Variants in ANKRD55 observed in about 807,000 individuals in gnomAD.
ANKRD55 encodes ankyrin repeat domain 55.
A neutral mutation model predicts 60.6 loss-of-function variants in ANKRD55; 41 were observed. That is an observed-to-expected ratio of 0.68 (90% CI 0.53 to 0.88). The LOEUF is 0.88. Among genes scored for constraint, ANKRD55 ranks in the 40% least tolerant of loss-of-function variants. ANKRD55 has a pLI of 0.00. For synonymous variants in ANKRD55, 264 were observed against 290.3 expected (o/e 0.91, Z 0.92); for missense variants, 732 against 767.6 (o/e 0.95, Z 0.55).
intron 2 of ANKRD55, among the ~76,000 whole-genome samples, chr5:56,216,632 G>C (rs1218713569): frequency 6.6e-6 from 1 of 152,226 alleles, no homozygotes; most frequent in Non-Finnish European, 1.5e-5. Context: ...CTTTATTGCA[G>C]ATATGGAGAA....
chr5:56,105,507 C>T (rs1756432965), intron 10 of ANKRD55, among the ~76,000 whole-genome samples: 1 of 152,156 alleles, frequency 6.6e-6, no homozygotes, highest in Non-Finnish European at 1.5e-5. Flanking sequence ...TTGTAGGAAT[C>T]GGTCAAGCAC....
At chr5:56,135,287 CCTGCTTG>C (rs1250001211) in intron 7 of ANKRD55, among the ~76,000 whole-genome samples, 15 of 47,758 alleles carry the variant, frequency 3.1e-4, no homozygotes, top group African/African-American at 1.4e-3. Context: ...TCCCTGCCTG[CCTGCTTG>C]CTTTCTTTCT....
At chr5:56,174,395 T>C (rs115740023) in intron 4 of ANKRD55, among the ~76,000 whole-genome samples, 1,928 of 152,300 alleles carry the variant, frequency 0.013, 44 homozygotes, top group African/African-American at 0.044. Flanking sequence ...GCCCTTCCTC[T>C]ACCCCCTTAT....
intron 4 of ANKRD55, among the ~76,000 whole-genome samples, chr5:56,172,444 C>G (rs944761243): frequency 6.6e-6 from 1 of 152,090 alleles, no homozygotes; most frequent in Admixed American, 6.5e-5. Context: ...GAAAGGCATG[C>G]TGGGCAAATT....
chr5:56,222,728 C>T lies in ANKRD55; in HGVS notation c.58+10128G>A, dbSNP rs913577536. 7.2e-5 allele frequency among the ~76,000 whole-genome samples: 11 copies of T among 152,202 alleles called. No individual in the cohort carries two copies. In the South Asian group the frequency reaches 1.7e-3, roughly 23 times the overall value. ...CATGCACAAGCTTCAGTAGCTGATT[C>T]GATCAACTGGAAGAAAGGGTATCAG... On this transcript the variant is annotated intron_variant, in intron 2 of 11. Coordinates refer to ENST00000341048, the MANE Select transcript of ANKRD55 (RefSeq NM_024669.3).
chr5:56,137,149 T>A, intron 7 of ANKRD55: 4 of 1,401,656 alleles, frequency 2.9e-6, no homozygotes, highest in Non-Finnish European at 3.0e-6. Context: ...AAACAGTGTG[T>A]ACCATTGTGA....
At chr5:56,141,405 G>A (rs1305886141) in intron 7 of ANKRD55, among the ~76,000 whole-genome samples, 1 of 152,132 alleles carries the variant, frequency 6.6e-6, no homozygotes, top group Non-Finnish European at 1.5e-5. Context: ...CCCAGCTCCA[G>A]TTTTGAAAAA....
At chr5:56,102,119 G>GC (rs1226415814) in intron 11 of ANKRD55, among the ~76,000 whole-genome samples, 1 of 152,116 alleles carries the variant, frequency 6.6e-6, no homozygotes, top group Non-Finnish European at 1.5e-5. Context: ...GGGCGTGGTG[G>GC]CTCACGCCTG....
At chr5:56,129,476 T>C (rs1757354168) in intron 7 of ANKRD55, among the ~76,000 whole-genome samples, 1 of 152,184 alleles carries the variant, frequency 6.6e-6, no homozygotes, top group Non-Finnish European at 1.5e-5. Flanking sequence ...TGAGTCCTAG[T>C]CGTTTTCTCT....
chr5:56,122,636 G>A (rs113186772), intron 8 of ANKRD55, among the ~76,000 whole-genome samples: 3,397 of 152,022 alleles, frequency 0.022, 134 homozygotes, highest in African/African-American at 0.078. Flanking sequence ...TCCAGCCTGG[G>A]TGACAGGGTG....
intron 4 of ANKRD55, among the ~76,000 whole-genome samples, chr5:56,171,351 C>T (rs1485365786): frequency 6.6e-6 from 1 of 152,232 alleles, no homozygotes; most frequent in Non-Finnish European, 1.5e-5. Flanking sequence ...GTTTTATCCA[C>T]CTGTAAAGTC....
At chr5:56,106,471 G>A (rs192984148) in intron 10 of ANKRD55, among the ~76,000 whole-genome samples, 2 of 136,078 alleles carry the variant, frequency 1.5e-5, no homozygotes, top group Non-Finnish European at 3.0e-5. Context: ...TGTCGCCCAG[G>A]CTGGAGTGCA....
At chr5:56,210,479 G>A (rs557599495) in intron 2 of ANKRD55, among the ~76,000 whole-genome samples, 54 of 150,702 alleles carry the variant, frequency 3.6e-4, no homozygotes, top group Admixed American at 1.4e-3. Context: ...GGAGAAAGGC[G>A]TGAACCCGGG....
intron 11 of ANKRD55, among the ~76,000 whole-genome samples, 184 bp from the exon 12 acceptor site, chr5:56,100,488 A>T (rs921673713): frequency 3.9e-5 from 6 of 152,202 alleles, no homozygotes; most frequent in African/African-American, 1.4e-4. Flanking sequence ...GGCTTGCTGC[A>T]TGAAGTCTGG....
At chr5:56,218,287 T>G (rs1204901014) in intron 2 of ANKRD55, among the ~76,000 whole-genome samples, 1 of 152,250 alleles carries the variant, frequency 6.6e-6, no homozygotes, top group Non-Finnish European at 1.5e-5. Context: ...AAAGAATTTC[T>G]ACGGTGGGTA....
chr5:56,192,424 G>T (rs2111844912), intron 2 of ANKRD55: 1 of 189,442 alleles, frequency 5.3e-6, no homozygotes, highest in Non-Finnish European at 1.1e-5. Context: ...TCGGCTAGCG[G>T]CCAGGAGCCA....
chr5:56,208,732 C>CT lies in ANKRD55; in HGVS notation c.58+24123dup, dbSNP rs539858200. ...GCCACCGCGCCCAGTCCTGTGTGTG[C>CT]TTTTTTTAAACAACTGGCAATGCAG... On this transcript the variant is annotated intron_variant, in intron 2 of 11. Transcript: ENST00000341048. Among the ~76,000 whole-genome samples, 16 of 152,040 alleles carry CT rather than the reference C, an allele frequency of 1.1e-4. No individual in the cohort carries two copies. The South Asian group carries it at 1.9e-3, about 18-fold the overall frequency.
chr5:56,145,994 C>G (rs1161700215), intron 6 of ANKRD55, among the ~76,000 whole-genome samples: 1 of 152,080 alleles, frequency 6.6e-6, no homozygotes, highest in Non-Finnish European at 1.5e-5. Context: ...GGTTAGAAAT[C>G]TAACACAAGG....
At chr5:56,163,097 G>A (rs1758372467) in intron 5 of ANKRD55, among the ~76,000 whole-genome samples, 1 of 152,158 alleles carries the variant, frequency 6.6e-6, no homozygotes, top group African/African-American at 2.4e-5. Flanking sequence ...ACTTGACTGT[G>A]AAGTCTCTGA....
Sources: allele counts gnomAD v4.1 joint callset (sites outside exome capture counted in the v4.1 genomes callset), GRCh38; gene constraint gnomAD v4.1.1; transcripts MANE v1.5; gene names NCBI Gene and HGNC (gene_info 2026-07-23, HGNC 2026-07-21).